The following HNF4A variants were observed in gnomAD, a reference collection of about 807,000 sequenced individuals.
HNF4A encodes the protein hepatocyte nuclear factor 4 alpha, also known as hepatocyte nuclear factor 4-alpha.
HNF4A carries 15 observed loss-of-function variants against 52.4 expected under a neutral mutation model. The ratio of observed to expected loss-of-function variants is 0.29; its 90% CI spans 0.19 to 0.44. HNF4A has a LOEUF of 0.44. Among genes scored for constraint, HNF4A ranks in the 20% least tolerant of loss-of-function variants. The pLI, the probability that HNF4A is intolerant of heterozygous loss-of-function variation, is 1.00. For missense variants in HNF4A, 479 were observed against 647.2 expected, an observed-to-expected ratio of 0.74 and a Z score of 2.82; for synonymous variants, 280 against 264.4, an observed-to-expected ratio of 1.06 and a Z score of -0.57.
intron 4 of HNF4A, among the ~76,000 whole-genome samples, 162 bp from the exon 5 acceptor site, chr20:44,414,345 C>T (rs543091954): frequency 1.3e-5 from 2 of 152,318 alleles, no homozygotes; most frequent in East Asian, 1.9e-4. Flanking sequence ...CCTGCCTCCT[C>T]CCTCCCTCCG....
Position 44,429,578 on chromosome 20 carries a change from T to A in HNF4A, c.1338T>A (p.Tyr446Ter), listed in dbSNP as rs1239203229. 6.2e-7 allele frequency: 1 copy of A among 1,613,832 alleles called. No homozygotes were observed. The highest frequency in any genetic ancestry group is 8.5e-7 in the Non-Finnish European group (1 of 1,179,984). The change falls in exon 10 of 10, where the codon TAT becomes TAA. Residue 446 changes from tyrosine (Y) to a stop codon, truncating the protein, a stop_gained. Coordinates refer to ENST00000316099, the MANE Select transcript of HNF4A (RefSeq NM_000457.6). LOFTEE classifies it high-confidence loss of function. Reference sequence around the variant, plus strand: ...CAGGTGGCTCAGGGTCTGAGCCCTATAAGCTCCTGCCGGGAGCCGTCGCCA... The same window carrying A: ...CAGGTGGCTCAGGGTCTGAGCCCTAAAAGCTCCTGCCGGGAGCCGTCGCCA...
intron 1 of HNF4A, among the ~76,000 whole-genome samples, chr20:44,369,353 C>G (rs976923139): frequency 1.3e-5 from 2 of 150,078 alleles, no homozygotes; most frequent in African/African-American, 4.9e-5. Context: ...TCGTTTGAAC[C>G]CAGGAGGTCG....
At chr20:44,384,842 C>T (rs1328845372) in intron 1 of HNF4A, among the ~76,000 whole-genome samples, 1 of 152,046 alleles carries the variant, frequency 6.6e-6, no homozygotes, top group Admixed American at 6.6e-5. Flanking sequence ...TCATGACTCA[C>T]TGAATTTGTC....
intron 5 of HNF4A, among the ~76,000 whole-genome samples, chr20:44,417,392 C>A (rs892692679): frequency 6.6e-6 from 1 of 152,158 alleles, no homozygotes; most frequent in Non-Finnish European, 1.5e-5. Flanking sequence ...TGCCTTGTAC[C>A]CCCTGCAGAG....
intron 1 of HNF4A, among the ~76,000 whole-genome samples, chr20:44,405,662 C>T (rs1336197029): frequency 6.6e-6 from 1 of 152,206 alleles, no homozygotes; most frequent in African/African-American, 2.4e-5. Flanking sequence ...GCCCTGGTCC[C>T]TTGGCAAGAA....
At chr20:44,416,628 A>G (rs1365559644) in intron 5 of HNF4A, among the ~76,000 whole-genome samples, 1 of 152,210 alleles carries the variant, frequency 6.6e-6, no homozygotes, top group Non-Finnish European at 1.5e-5. Context: ...GTTTCTATCC[A>G]TGGGGAATAG....
chr20:44,388,384 C>T (rs1051769538), intron 1 of HNF4A, among the ~76,000 whole-genome samples: 1 of 119,538 alleles, frequency 8.4e-6, no homozygotes, highest in Admixed American at 7.4e-5. Context: ...CCCCCCCACC[C>T]CCGTACATTG....
rs773633446 is a variant in HNF4A at position 44,406,145 on chromosome 20, C to T, written c.203C>T (p.Thr68Met). The stretch of plus-strand genomic sequence containing the variant: ...TGTGCCATCTGCGGGGACCGGGCCA[C>T]GGGCAAACACTACGGTGCCTCGAGC... The change falls in exon 2 of 10, where the codon ACG becomes ATG. Residue 68 changes from threonine (T) to methionine (M), a missense_variant. Thr to Met is a moderately conservative substitution (Grantham distance 81, BLOSUM62 -1). Coordinates refer to ENST00000316099, the MANE Select transcript of HNF4A (RefSeq NM_000457.6). The T allele has an allele frequency of 3.7e-6, 6 of 1,613,770 alleles. No homozygotes were observed. Among genetic ancestry groups the T allele is most frequent in the Admixed American group, 1.7e-5 (1 of 60,010 alleles).
intron 1 of HNF4A, among the ~76,000 whole-genome samples, chr20:44,393,123 A>G (rs1403679826): frequency 6.6e-6 from 1 of 152,206 alleles, no homozygotes; most frequent in Admixed American, 6.5e-5. Flanking sequence ...TCCCCAAACC[A>G]GAGTCTGGGT....
chr20:44,397,310 G>C (rs551490106), upstream of HNF4A, among the ~76,000 whole-genome samples: 1 of 151,060 alleles, frequency 6.6e-6, no homozygotes, highest in Non-Finnish European at 1.5e-5. Flanking sequence ...TTTTCCACTA[G>C]TTAAAAAAAA....
At chr20:44,359,249 C>T (rs2062892042) in intron 1 of HNF4A, among the ~76,000 whole-genome samples, 2 of 152,214 alleles carry the variant, frequency 1.3e-5, no homozygotes, top group African/African-American at 4.8e-5. Flanking sequence ...CTTCCTTCCT[C>T]TCTGCCCTCC....
intron 1 of HNF4A, among the ~76,000 whole-genome samples, chr20:44,356,851 C>G (rs1034358090): frequency 2.6e-5 from 4 of 152,162 alleles, no homozygotes; most frequent in African/African-American, 9.7e-5. Flanking sequence ...CACACCCGCA[C>G]AGAACTTGGT....
chr20:44,370,651 C>T (rs540675877), intron 1 of HNF4A, among the ~76,000 whole-genome samples: 1 of 152,314 alleles, frequency 6.6e-6, no homozygotes, highest in Admixed American at 6.5e-5. Context: ...TGTCTTGTCC[C>T]CTGCTGTATC....
chr20:44,408,724 C>CA (rs200502663), intron 3 of HNF4A, among the ~76,000 whole-genome samples: 2 of 148,852 alleles, frequency 1.3e-5, no homozygotes, highest in Non-Finnish European at 3.0e-5. Flanking sequence ...GAGACTCTCT[C>CA]AAAAAAAATA....
chr20:44,407,105 G>T, intron 2 of HNF4A, among the ~76,000 whole-genome samples: 1 of 152,326 alleles, frequency 6.6e-6, no homozygotes. Context: ...CAGAGGTCAA[G>T]GTTCCCAACT....
At chr20:44,404,659 G>A (rs1225828218) in intron 1 of HNF4A, among the ~76,000 whole-genome samples, 7 of 150,254 alleles carry the variant, frequency 4.7e-5, no homozygotes, top group African/African-American at 1.7e-4. Flanking sequence ...TATGTGGACT[G>A]TGTGCATGTG....
intron 5 of HNF4A, among the ~76,000 whole-genome samples, chr20:44,417,137 CAAAT>C (rs2063676365): frequency 7.1e-6 from 1 of 141,488 alleles, no homozygotes; most frequent in South Asian, 2.3e-4. Context: ...AATGAACAAT[CAAAT>C]TAATGAACAA....
At chr20:44,403,799 C>T (rs1600701201) in intron 1 of HNF4A, among the ~76,000 whole-genome samples, 1 of 152,278 alleles carries the variant, frequency 6.6e-6, no homozygotes, top group East Asian at 1.9e-4. Context: ...GCCTCAGTGT[C>T]CTCATCTGTG....
rs562625091 is a variant in HNF4A at position 44,404,240 on chromosome 20, G to A, written c.116-1818G>A. On this transcript the variant is annotated intron_variant, in intron 1 of 9. Transcript: ENST00000316099. ...TGAGAATTCACCGAATCCCCATAAC[G>A]AACCTAGGGGAATATCACGTTCCCC... Among the ~76,000 whole-genome samples the A allele has an allele frequency of 1.7e-4, 26 of 152,224 alleles. 1 individual carries two copies. The highest frequency in any genetic ancestry group is 6.0e-4 in the African/African-American group (25 of 41,532).
Sources: gnomAD v4.1 joint callset for allele counts (sites outside exome capture counted in the v4.1 genomes callset) on GRCh38, gnomAD v4.1.1 for gene constraint, MANE v1.5 for transcripts, NCBI Gene and HGNC (gene_info 2026-07-23, HGNC 2026-07-21) for gene names.